ELL2: variants seen among roughly 807,000 people sequenced by gnomAD.
ELL2 encodes the protein elongation factor for RNA polymerase II 2.
ELL2 carries 21 observed loss-of-function variants against 72.8 expected under a neutral mutation model. The ratio of observed to expected loss-of-function variants is 0.29; its 90% CI spans 0.20 to 0.42. The LOEUF (loss-of-function observed/expected upper bound fraction) is 0.42, where lower values mean the gene tolerates loss of function less well. Ranked by LOEUF, ELL2 falls within the 10% of genes least tolerant of loss-of-function variation. ELL2 has a pLI of 1.00. For missense variants in ELL2, 568 were observed against 772.8 expected, an observed-to-expected ratio of 0.73 and a Z score of 3.14; for synonymous variants, 266 against 283.2, an observed-to-expected ratio of 0.94 and a Z score of 0.61.
intron 5 of ELL2, among the ~76,000 whole-genome samples, chr5:95,905,517 T>A (rs551130809): frequency 2.0e-5 from 3 of 152,194 alleles, no homozygotes; most frequent in African/African-American, 7.2e-5. Flanking sequence ...TTTTGAGCTC[T>A]TAAAACTGCT....
chr5:95,951,379 TA>T (rs1271376466), intron 1 of ELL2, among the ~76,000 whole-genome samples: 3 of 141,560 alleles, frequency 2.1e-5, no homozygotes, highest in South Asian at 4.4e-4. Context: ...AAAAATAAAA[TA>T]AAATAAATAA....
At chr5:95,892,145 A>G (rs1748688242) in intron 9 of ELL2, among the ~76,000 whole-genome samples, 1 of 151,182 alleles carries the variant, frequency 6.6e-6, no homozygotes, top group Non-Finnish European at 1.5e-5. Flanking sequence ...GAATTACAGT[A>G]TTACTTTTTT....
intron 2 of ELL2, among the ~76,000 whole-genome samples, chr5:95,942,315 A>G (rs55841351): frequency 0.32 from 48,162 of 151,938 alleles, 8,942 homozygotes; most frequent in African/African-American, 0.52. Flanking sequence ...GCAAATATAG[A>G]ATACATATTA....
At chr5:95,940,026 A>C (rs1002756430) in intron 2 of ELL2, among the ~76,000 whole-genome samples, 1 of 152,212 alleles carries the variant, frequency 6.6e-6, no homozygotes, top group Non-Finnish European at 1.5e-5. Context: ...CAGAATCAGC[A>C]AAGCAATTTT....
chr5:95,899,415 TTCTC>T lies in ELL2; in HGVS notation c.955-609_955-606del, dbSNP rs145298882. 1.5e-3 allele frequency among the ~76,000 whole-genome samples: 223 copies of T among 152,256 alleles called. 1 individual carries two copies. Among genetic ancestry groups the T allele is most frequent in the Non-Finnish European group, 2.5e-3 (173 of 68,020 alleles). On this transcript the variant is annotated intron_variant, in intron 7 of 11. Transcript: ENST00000237853. The stretch of plus-strand genomic sequence containing the variant: ...GAACAGCCAGCACTTTCAGAATAGT[TTCTC>T]TAATTATCTCTATCACTGTTGAAAT...
At chr5:95,930,642 G>A (rs752932645) in intron 2 of ELL2, among the ~76,000 whole-genome samples, 2 of 151,992 alleles carry the variant, frequency 1.3e-5, no homozygotes, top group African/African-American at 2.4e-5. Context: ...TAAGTCTTAC[G>A]GGGAACTTAT....
At chr5:95,901,378 T>A (rs1344570546) in intron 5 of ELL2, among the ~76,000 whole-genome samples, 1 of 152,224 alleles carries the variant, frequency 6.6e-6, no homozygotes. Context: ...AAATCAATTA[T>A]TTTAGTCAAA....
intron 9 of ELL2, among the ~76,000 whole-genome samples, chr5:95,891,608 T>C (rs1748666464): frequency 6.6e-6 from 1 of 152,214 alleles, no homozygotes; most frequent in Non-Finnish European, 1.5e-5. Flanking sequence ...ACCACACTAA[T>C]GGTGGATGCT....
rs1041774163 is a variant in ELL2, at chr5:95,885,187, G to A, written c.*3684C>T. ...GCTCTGTAACAACTGAAAAGCCCCT[G>A]TGACATTTTACCTTTGAGAGTCCTA... On this transcript the variant is annotated 3_prime_UTR_variant, in exon 12 of 12. Transcript: ENST00000237853. 7 of 152,228 alleles carry A rather than the reference G, an allele frequency of 4.6e-5. No individual in the cohort carries two copies. The highest frequency in any genetic ancestry group is 1.7e-4 in the African/African-American group (7 of 41,460). 9.4% of individuals were successfully genotyped at this position (152,228 alleles called of 1,614,324 possible).
intron 3 of ELL2, among the ~76,000 whole-genome samples, chr5:95,919,198 G>A (rs1218742585): frequency 1.3e-5 from 2 of 152,038 alleles, no homozygotes; most frequent in Admixed American, 1.3e-4. Flanking sequence ...TACCTTAAAA[G>A]CCCCATTAGA....
chr5:95,897,016 G>T (rs542659365), intron 8 of ELL2, among the ~76,000 whole-genome samples: 42 of 152,288 alleles, frequency 2.8e-4, no homozygotes, highest in Middle Eastern at 3.4e-3. Context: ...AACTATAAGA[G>T]TGTTGAGGGA....
rs1748429499 is a variant in ELL2 at position 95,885,366 on chromosome 5, A to G, written c.*3505T>C. 1 of 152,238 alleles carries G rather than the reference A, an allele frequency of 6.6e-6. No homozygotes were observed. Among genetic ancestry groups the G allele is most frequent in the Non-Finnish European group, 1.5e-5 (1 of 68,038 alleles). The allele number at this position is 152,238 out of a possible 1,614,324, so 9.4% of individuals were successfully genotyped here. A position where few individuals can be genotyped will look rare whatever the true frequency, so the allele number is the denominator to read the frequency against. On this transcript the variant is annotated 3_prime_UTR_variant, in exon 12 of 12. Coordinates refer to ENST00000237853, the MANE Select transcript of ELL2 (RefSeq NM_012081.6). ...CCTTCAGTTAGTAGTGCCAGTTAAT[A>G]TTGTTTCTGAAAACTTTCCTCTCAA... is the stretch of plus-strand genomic sequence containing the variant.
chr5:95,954,457 A>AGTGCAGTG (rs1751543584), intron 1 of ELL2, among the ~76,000 whole-genome samples: 1 of 138,102 alleles, frequency 7.2e-6, no homozygotes, highest in Non-Finnish European at 1.5e-5. Context: ...CCCAGGCTGG[A>AGTGCAGTG]GTGCAGTGGT....
chr5:95,898,185 T>G, intron 8 of ELL2, 55 bp downstream of exon 8: 1 of 1,354,340 alleles, frequency 7.4e-7, no homozygotes. Context: ...TTATAAACTG[T>G]GTAATTTCAA....
intron 2 of ELL2, among the ~76,000 whole-genome samples, chr5:95,923,240 G>GAA (rs11401689): frequency 0.02 from 2,791 of 142,170 alleles, 93 homozygotes; most frequent in African/African-American, 0.067. Context: ...AAAATAAAGT[G>GAA]AAAAAAAAAA....
chr5:95,930,190 G>GA lies in ELL2; in HGVS notation c.196-10646dup, dbSNP rs531714495. On this transcript the variant is annotated intron_variant, in intron 2 of 11. Transcript: ENST00000237853. The stretch of plus-strand genomic sequence containing the variant: ...AAAGCCCAAACCTGAATTCTACAAG[G>GA]AAAAAAAATCTTAAATATGAATCGC... 7.8e-4 allele frequency among the ~76,000 whole-genome samples: 119 copies of GA among 151,996 alleles called. 3 individuals carry two copies. In the South Asian group the frequency reaches 0.013, roughly 16 times the overall value.
At chr5:95,916,354 G>C (rs1475351636) in intron 3 of ELL2, among the ~76,000 whole-genome samples, 1 of 151,966 alleles carries the variant, frequency 6.6e-6, no homozygotes, top group Non-Finnish European at 1.5e-5. Flanking sequence ...AGGAGAGAAG[G>C]GGTCTCAGGA....
At chr5:95,907,587 G>A (rs1471704394) in intron 4 of ELL2, among the ~76,000 whole-genome samples, 2 of 152,098 alleles carry the variant, frequency 1.3e-5, no homozygotes, top group Non-Finnish European at 2.9e-5. Context: ...GGCATTATGT[G>A]TATGTGTGAA....
intron 1 of ELL2, among the ~76,000 whole-genome samples, chr5:95,948,750 A>G (rs1751269751): frequency 6.6e-6 from 1 of 152,186 alleles, no homozygotes; most frequent in Non-Finnish European, 1.5e-5. Context: ...AGCTCTTCTG[A>G]AAATCAAGTT....
Sources: gnomAD v4.1 joint callset for allele counts (sites outside exome capture counted in the v4.1 genomes callset) on GRCh38, gnomAD v4.1.1 for gene constraint, MANE v1.5 for transcripts, NCBI Gene and HGNC (gene_info 2026-07-23, HGNC 2026-07-21) for gene names.